ACTR3B: variants seen among roughly 807,000 people sequenced by gnomAD.
ACTR3B encodes actin related protein 3B.
Under a neutral mutation model 59.0 loss-of-function variants are expected in ACTR3B, and 8 were observed. That is an observed-to-expected ratio of 0.14 (90% confidence interval 0.08 to 0.24). ACTR3B has a LOEUF of 0.24. ACTR3B is among the 10% of genes least tolerant of loss of function. The pLI is 1.00. For missense variants in ACTR3B, 245 were observed against 552.3 expected, an observed-to-expected ratio of 0.44 and a Z score of 5.58; for synonymous variants, 148 against 197.9, an observed-to-expected ratio of 0.75 and a Z score of 2.12.
intron 4 of ACTR3B, among the ~76,000 whole-genome samples, chr7:152,810,200 A>G (rs35833999): frequency 2.6e-5 from 4 of 152,030 alleles, no homozygotes; most frequent in Non-Finnish European, 4.4e-5. Flanking sequence ...TCTGCCTCCC[A>G]GGTTTAAGCA....
chr7:152,789,993 CTTTCT>C (rs1165201233), intron 2 of ACTR3B, among the ~76,000 whole-genome samples: 2 of 101,752 alleles, frequency 2.0e-5, no homozygotes, highest in African/African-American at 8.1e-5. Flanking sequence ...CATTTGTACT[CTTTCT>C]TTTTTTTTTT....
chr7:152,832,922 G>A (rs1019428771), intron 9 of ACTR3B, among the ~76,000 whole-genome samples: 12 of 152,308 alleles, frequency 7.9e-5, no homozygotes, highest in African/African-American at 2.9e-4. Context: ...GCAACACCTT[G>A]GTTAGTGTCT....
chr7:152,781,351 C>T (rs1024244715), intron 1 of ACTR3B, among the ~76,000 whole-genome samples: 15 of 151,974 alleles, frequency 9.9e-5, no homozygotes, highest in African/African-American at 3.6e-4. Context: ...AATATTGGTC[C>T]TTCCGCTGGC....
chr7:152,800,603 T>C lies in ACTR3B; in HGVS notation c.173T>C (p.Leu58Pro), dbSNP rs760834318. ...QRRVLRGVDDLDFFIGDEAID... is the reference protein window; with the variant it reads ...QRRVLRGVDDPDFFIGDEAID... ...AGAGTGTTGAGGGGAGTTGATGACC[T>C]TGACTTTTTCATAGGAGATGAAGCC... is the stretch of plus-strand genomic sequence containing the variant. Residue 58 changes from leucine (L) to proline (P), a missense_variant, in exon 3 of 12, where the codon CTT becomes CCT. By Grantham distance (98) the Leu-to-Pro change is moderately conservative. Around this residue, in one of 7 missense-constraint regions of ACTR3B, gnomAD observed 11 missense variants for 82.1 expected, o/e 0.13. Transcript: ENST00000256001. 6.2e-7 allele frequency: 1 copy of C among 1,614,158 alleles called. No homozygotes were observed. Among genetic ancestry groups the C allele is most frequent in the South Asian group, 1.1e-5 (1 of 91,084 alleles).
At chr7:152,783,551 G>T (rs1191270605) in intron 2 of ACTR3B, among the ~76,000 whole-genome samples, 2 of 151,684 alleles carry the variant, frequency 1.3e-5, no homozygotes, top group African/African-American at 4.8e-5. Flanking sequence ...CAGTCTGTTA[G>T]CTTAGTAACT....
intron 11 of ACTR3B, among the ~76,000 whole-genome samples, 157 bp downstream of exon 11, chr7:152,853,734 C>A (rs553310857): frequency 1.3e-5 from 2 of 151,426 alleles, no homozygotes; most frequent in African/African-American, 4.8e-5. Flanking sequence ...TTTGTTTTTT[C>A]GAGATGGAGT....
Position 152,795,988 on chromosome 7 carries a change from C to T in ACTR3B, c.101-4543C>T, listed in dbSNP as rs371812370. On this transcript the variant is annotated intron_variant, in intron 2 of 11. Coordinates refer to ENST00000256001, the MANE Select transcript of ACTR3B (RefSeq NM_020445.6). ...CCTCCCAAGTAGCTGGGATTATAGG[C>T]GCCCGCCCCCATGCCTGGCTAATTT... 4.8e-4 allele frequency among the ~76,000 whole-genome samples: 73 copies of T among 152,032 alleles called. 1 individual carries two copies. The highest frequency in any genetic ancestry group is 1.6e-3 in the African/African-American group (68 of 41,490).
chr7:152,795,993 G>A (rs1256955903), intron 2 of ACTR3B, among the ~76,000 whole-genome samples: 2 of 151,934 alleles, frequency 1.3e-5, no homozygotes, highest in African/African-American at 4.8e-5. Context: ...ATAGGCGCCC[G>A]CCCCCATGCC....
intron 1 of ACTR3B, among the ~76,000 whole-genome samples, chr7:152,762,602 C>A (rs10952372): frequency 0.25 from 37,297 of 152,076 alleles, 5,641 homozygotes; most frequent in East Asian, 0.71. Context: ...ACATTCCAAT[C>A]ATCAAAATCA....
chr7:152,766,682 G>A (rs927194503), intron 1 of ACTR3B, among the ~76,000 whole-genome samples: 1 of 152,142 alleles, frequency 6.6e-6, no homozygotes, highest in Non-Finnish European at 1.5e-5. Context: ...GTTTTCTTTA[G>A]GCAATCGGAT....
intron 1 of ACTR3B, among the ~76,000 whole-genome samples, chr7:152,763,202 G>C (rs2098095756): frequency 6.7e-6 from 1 of 150,010 alleles, no homozygotes; most frequent in Admixed American, 6.7e-5. Context: ...TGTAGTCCCA[G>C]CTGCTTTGGA....
intron 1 of ACTR3B, among the ~76,000 whole-genome samples, chr7:152,765,533 C>T (rs553285594): frequency 3.3e-5 from 5 of 151,844 alleles, no homozygotes; most frequent in Admixed American, 1.3e-4. Flanking sequence ...CAGTTCTCTC[C>T]TGAGTCCACA....
intron 2 of ACTR3B, among the ~76,000 whole-genome samples, chr7:152,787,466 A>C (rs2098178355): frequency 6.6e-6 from 1 of 151,812 alleles, no homozygotes; most frequent in Admixed American, 6.6e-5. Context: ...AATACTTTTC[A>C]GTCTTTTTCT....
At chr7:152,796,881 T>C (rs1423883545) in intron 2 of ACTR3B, among the ~76,000 whole-genome samples, 1 of 115,422 alleles carries the variant, frequency 8.7e-6, no homozygotes. Flanking sequence ...TTTTTTTTTT[T>C]TTTTTTTTTT....
intron 1 of ACTR3B, among the ~76,000 whole-genome samples, chr7:152,771,291 A>C (rs1230419988): frequency 2.6e-5 from 4 of 152,220 alleles, no homozygotes; most frequent in Non-Finnish European, 5.9e-5. Context: ...TTGCTCTTAA[A>C]TTTAGACAAC....
intron 1 of ACTR3B, among the ~76,000 whole-genome samples, chr7:152,769,532 T>C (rs909575138): frequency 6.6e-6 from 1 of 152,206 alleles, no homozygotes; most frequent in African/African-American, 2.4e-5. Flanking sequence ...AATATGAAAA[T>C]GTTGCCTTTT....
At chr7:152,846,336 G>A (rs964586780) in intron 9 of ACTR3B, among the ~76,000 whole-genome samples, 6 of 146,086 alleles carry the variant, frequency 4.1e-5, no homozygotes, top group Middle Eastern at 3.9e-3. Context: ...TCTAGTGCCC[G>A]GGCTGTAGTC....
In ACTR3B at chr7:152,852,350, T is replaced by C. The variant is rs1798881620; in HGVS notation, c.1077+99T>C. On this transcript the variant is annotated intron_variant, in intron 10 of 11. Coordinates refer to ENST00000256001, the MANE Select transcript of ACTR3B (RefSeq NM_020445.6). ...GCCGAAGGAGCTTGTCTGGGCCGCG[T>C]AAAATAAAAACAAGTGTTCATCGCT... 4.9e-6 allele frequency: 7 copies of C among 1,425,458 alleles called. No homozygotes were observed. In the Middle Eastern group the frequency reaches 7.7e-4, roughly 157 times the overall value. The allele number at this position is 1,425,458 out of a possible 1,614,324, so 88.3% of individuals were successfully genotyped here. A position where few individuals can be genotyped will look rare whatever the true frequency, so the allele number is the denominator to read the frequency against.
Position 152,854,667 on chromosome 7 carries a change from G to GT in ACTR3B, c.*115dup. The GT allele has an allele frequency of 8.9e-7, 1 of 1,118,358 alleles. No homozygotes were observed. The allele number at this position is 1,118,358 out of a possible 1,614,324, so 69.3% of individuals were successfully genotyped here. A position where few individuals can be genotyped will look rare whatever the true frequency, so the allele number is the denominator to read the frequency against. On this transcript the variant is annotated 3_prime_UTR_variant, in exon 12 of 12. Coordinates refer to ENST00000256001, the MANE Select transcript of ACTR3B (RefSeq NM_020445.6). The surrounding 1 kb of genome is among the most constrained non-coding windows in gnomAD (Gnocchi z 4.9). ...GACGTCGGTGTTGCTGCCCAGCAGC[G>GT]TGCTTGCATTGCCGGTGCATGAGGC...
Sources: gnomAD v4.1 joint callset for allele counts (sites outside exome capture counted in the v4.1 genomes callset) on GRCh38, gnomAD v4.1.1 for gene constraint, gnomAD v4.1.1 regional missense constraint, Gnocchi (gnomAD v3.1) non-coding constraint, MANE v1.5 for transcripts, NCBI Gene and HGNC (gene_info 2026-07-23, HGNC 2026-07-21) for gene names.